The following IPO11 variants were observed in gnomAD, a reference collection of about 807,000 sequenced individuals.
IPO11 encodes the protein importin 11, also known as importin-11.
IPO11 carries 66 observed loss-of-function variants against 143.2 expected under a neutral mutation model. The observed-to-expected ratio is 0.46, with a 90% CI of 0.38 to 0.57. The LOEUF (loss-of-function observed/expected upper bound fraction) is 0.57. Among genes scored for constraint, IPO11 ranks in the 20% least tolerant of loss-of-function variants. The probability of loss-of-function intolerance (pLI) is 0.00; values close to 1 mark genes in which losing one functional copy is unlikely to be tolerated. For synonymous variants in IPO11, 385 were observed against 377.8 expected (o/e 1.02, Z -0.22); for missense variants, 1,026 against 1,141.0 (o/e 0.90, Z 1.45).
chr5:62,626,677 T>TG (rs989591499), intron 29 of IPO11, among the ~76,000 whole-genome samples: 4 of 152,034 alleles, frequency 2.6e-5, no homozygotes, highest in African/African-American at 9.7e-5. Flanking sequence ...TTTTTTTTTT[T>TG]TCAGCCAGAA....
chr5:62,471,565 A>G (rs908717927), intron 7 of IPO11, among the ~76,000 whole-genome samples: 2 of 152,164 alleles, frequency 1.3e-5, no homozygotes. Context: ...TTTTATGCAT[A>G]TTATTCTGGA....
chr5:62,549,925 A>C (rs560692746), intron 24 of IPO11, among the ~76,000 whole-genome samples: 1 of 152,234 alleles, frequency 6.6e-6, no homozygotes, highest in Non-Finnish European at 1.5e-5. Context: ...TTTATTGATT[A>C]ACTTAAATGT....
intron 27 of IPO11, among the ~76,000 whole-genome samples, chr5:62,569,848 C>G (rs1744075738): frequency 6.6e-6 from 1 of 152,134 alleles, no homozygotes; most frequent in Non-Finnish European, 1.5e-5. Context: ...TCAAAATAAT[C>G]TTTACATTAT....
chr5:62,427,415 A>G (rs1743796789), intron 1 of IPO11, among the ~76,000 whole-genome samples: 1 of 152,138 alleles, frequency 6.6e-6, no homozygotes, highest in Non-Finnish European at 1.5e-5. Context: ...TTTCCTCCCA[A>G]ACAAACCAGT....
chr5:62,585,838 C>T (rs1021144673), intron 27 of IPO11, among the ~76,000 whole-genome samples: 1 of 152,048 alleles, frequency 6.6e-6, no homozygotes, highest in African/African-American at 2.4e-5. Context: ...ATAAATTTGA[C>T]AGAATTTGTT....
intron 27 of IPO11, among the ~76,000 whole-genome samples, chr5:62,575,543 CCTCT>C (rs773408530): frequency 6.6e-6 from 1 of 152,040 alleles, no homozygotes; most frequent in Non-Finnish European, 1.5e-5. Flanking sequence ...TTTCCAATTG[CCTCT>C]CTGTTTTTGT....
chr5:62,522,347 C>T (rs1444178963), intron 20 of IPO11, among the ~76,000 whole-genome samples: 5 of 150,990 alleles, frequency 3.3e-5, no homozygotes, highest in Admixed American at 3.3e-4. Flanking sequence ...TGCAGTGGTA[C>T]GATCTTGGCT....
chr5:62,529,372 G>GA (rs981442483), intron 21 of IPO11, among the ~76,000 whole-genome samples: 4 of 152,052 alleles, frequency 2.6e-5, no homozygotes, highest in Non-Finnish European at 1.5e-5. Context: ...TTTCTCTTAA[G>GA]AAAAAACCTT....
chr5:62,617,943 G>C (rs1377663584), intron 29 of IPO11, among the ~76,000 whole-genome samples: 2 of 152,082 alleles, frequency 1.3e-5, no homozygotes, highest in African/African-American at 4.8e-5. Context: ...AGTCTTGTGA[G>C]CCTATGTTTA....
chr5:62,422,786 T>A (rs1743566257), intron 1 of IPO11, among the ~76,000 whole-genome samples: 1 of 152,216 alleles, frequency 6.6e-6, no homozygotes. Flanking sequence ...TCTTCTTACA[T>A]ACTTTATACT....
At chr5:62,614,846 A>G (rs1746069540) in intron 29 of IPO11, among the ~76,000 whole-genome samples, 1 of 152,108 alleles carries the variant, frequency 6.6e-6, no homozygotes, top group Non-Finnish European at 1.5e-5. Context: ...ACAGACTTGA[A>G]GATGGTGAAT....
chr5:62,444,065 T>C (rs1183687702), intron 3 of IPO11, among the ~76,000 whole-genome samples: 1 of 152,122 alleles, frequency 6.6e-6, no homozygotes, highest in African/African-American at 2.4e-5. Flanking sequence ...CTTGGGATAC[T>C]ATATTACGGT....
At chr5:62,459,629 C>T (rs1312580881) in intron 5 of IPO11, among the ~76,000 whole-genome samples, 1 of 151,936 alleles carries the variant, frequency 6.6e-6, no homozygotes, top group African/African-American at 2.4e-5. Flanking sequence ...TGGTTCACTG[C>T]AATCTCTGCC....
In IPO11 at chr5:62,506,658, A is replaced by T. The variant is rs187981979; in HGVS notation, c.1782+301A>T. ...ATTGAGTGTGTTTGAGGGCATAGCC[A>T]CAAGTGTCCATCAGCAAGACTTCTG... On this transcript the variant is annotated intron_variant, in intron 19 of 29. Transcript: ENST00000325324. 2.6e-5 allele frequency among the ~76,000 whole-genome samples: 4 copies of T among 152,300 alleles called. No homozygotes were observed. In the East Asian group the frequency reaches 7.7e-4, roughly 29 times the overall value.
At chr5:62,562,035 C>G (rs1743790654) in intron 27 of IPO11, 1 of 152,238 alleles carries the variant, frequency 6.6e-6, no homozygotes, top group Non-Finnish European at 1.5e-5. Context: ...TATCAGTGCA[C>G]TCACCTGGAG....
rs70981015 is a variant in IPO11, at chr5:62,470,816, C to CTTTTTTTTTTTTTTTTTTTTTTTTT, written c.708+513_708+537dup. Among the ~76,000 whole-genome samples the CTTTTTTTTTTTTTTTTTTTTTTTTT allele has an allele frequency of 2.1e-4, 13 of 62,560 alleles. 3 individuals carry two copies. Among genetic ancestry groups the CTTTTTTTTTTTTTTTTTTTTTTTTT allele is most frequent in the East Asian group, 7.1e-4 (1 of 1,418 alleles). The allele number at this position is 62,560 out of a possible 152,430, so 41.0% of individuals were successfully genotyped here. On this transcript the variant is annotated intron_variant, in intron 7 of 29. Transcript: ENST00000325324. ...TTCATTGTCTGTAGATAGCCATCTT[C>CTTTTTTTTTTTTTTTTTTTTTTTTT]TTTTTTTTTTTTTTTTTTTTTTTTT...
At chr5:62,483,809 G>A (rs1746300902) in intron 10 of IPO11, among the ~76,000 whole-genome samples, 3 of 152,136 alleles carry the variant, frequency 2.0e-5, no homozygotes, top group South Asian at 4.1e-4. Flanking sequence ...TAATATATAA[G>A]CTGTAATGCC....
chr5:62,617,349 G>A (rs1431000884), intron 29 of IPO11, among the ~76,000 whole-genome samples: 1 of 152,138 alleles, frequency 6.6e-6, no homozygotes, highest in Non-Finnish European at 1.5e-5. Flanking sequence ...ACATATAATA[G>A]GAACAATGTA....
intron 5 of IPO11, among the ~76,000 whole-genome samples, chr5:62,458,548 G>A (rs527450624): frequency 9.4e-4 from 143 of 152,248 alleles, no homozygotes; most frequent in African/African-American, 2.9e-3. Flanking sequence ...TGATCTGCCC[G>A]CCTTGACCTC....
Sources: gnomAD v4.1 joint callset for allele counts (sites outside exome capture counted in the v4.1 genomes callset) on GRCh38, gnomAD v4.1.1 for gene constraint, MANE v1.5 for transcripts, NCBI Gene and HGNC (gene_info 2026-07-23, HGNC 2026-07-21) for gene names.